EDIL3: variants seen among roughly 807,000 people sequenced by gnomAD.
EDIL3 encodes EGF-like repeat and discoidin I-like domain-containing protein 3.
EDIL3 carries 37 observed loss-of-function variants against 67.4 expected under a neutral mutation model. The ratio of observed to expected loss-of-function variants is 0.55; its 90% CI spans 0.42 to 0.72. EDIL3 has a LOEUF of 0.72. Among genes scored for constraint, EDIL3 ranks in the 30% least tolerant of loss-of-function variants. The probability of loss-of-function intolerance (pLI) is 0.00; values close to 1 mark genes in which losing one functional copy is unlikely to be tolerated. For missense variants in EDIL3, 527 were observed against 586.3 expected (o/e 0.90, Z 1.04); for synonymous variants, 195 against 196.3 (o/e 0.99, Z 0.05).
rs543825019 is a variant in EDIL3 at position 84,356,988 on chromosome 5, G to A, written c.67+27320C>T. ...TGCCCAGGCTGGAGTACAGTGGCAC[G>A]ATCTCGGCTCACTGAAACCTCTGCC... On this transcript the variant is annotated intron_variant, in intron 1 of 10. Transcript: ENST00000296591. Among the ~76,000 whole-genome samples, 3 of 131,840 alleles carry A rather than the reference G, an allele frequency of 2.3e-5. No homozygotes were observed. In the East Asian group the frequency reaches 7.3e-4, roughly 32 times the overall value. 86.5% of individuals were successfully genotyped at this position (131,840 alleles called of 152,430 possible).
chr5:84,213,632 A>G (rs541635434), intron 3 of EDIL3, among the ~76,000 whole-genome samples: 2 of 152,198 alleles, frequency 1.3e-5, no homozygotes, highest in Non-Finnish European at 2.9e-5. Flanking sequence ...ATTTAGATTT[A>G]TGTCTAGAGA....
chr5:84,208,238 G>T (rs1302569362), intron 3 of EDIL3, among the ~76,000 whole-genome samples: 3 of 152,034 alleles, frequency 2.0e-5, no homozygotes, highest in Non-Finnish European at 2.9e-5. Flanking sequence ...GTGGGCAAAG[G>T]ACATGAACAG....
Position 84,289,634 on chromosome 5 carries a change from T to C in EDIL3, c.68-35422A>G, listed in dbSNP as rs966241662. 2.6e-5 allele frequency among the ~76,000 whole-genome samples: 4 copies of C among 152,268 alleles called. No individual in the cohort carries two copies. The South Asian group carries it at 8.3e-4, about 32-fold the overall frequency. ...TCTAGTGGGTATTCCTTGGTCTTTA[T>C]CCTACCTGACTTTCCGTCAACAACT... is the stretch of plus-strand genomic sequence containing the variant. On this transcript the variant is annotated intron_variant, in intron 1 of 10. Coordinates refer to ENST00000296591, the MANE Select transcript of EDIL3 (RefSeq NM_005711.5).
intron 4 of EDIL3, among the ~76,000 whole-genome samples, chr5:84,142,375 C>T (rs1000008048): frequency 1.3e-5 from 2 of 151,992 alleles, no homozygotes; most frequent in Admixed American, 6.6e-5. Context: ...TCCCAGGAAT[C>T]TCCATCTCTG....
chr5:84,015,846 C>T (rs1282840948), intron 9 of EDIL3, among the ~76,000 whole-genome samples: 1 of 152,026 alleles, frequency 6.6e-6, no homozygotes, highest in Admixed American at 6.6e-5. Context: ...TGGCAATATC[C>T]CTTAGAGTTT....
intron 2 of EDIL3, 33 bp downstream of exon 2, chr5:84,254,044 TAAAAAGA>T (rs1745080753): frequency 6.5e-7 from 1 of 1,540,118 alleles, no homozygotes; most frequent in Non-Finnish European, 8.8e-7. Context: ...TTCATGGAAA[TAAAAAGA>T]TAACTACTGA....
chr5:84,323,216 G>T (rs1024161062), intron 1 of EDIL3, among the ~76,000 whole-genome samples: 8 of 151,970 alleles, frequency 5.3e-5, no homozygotes, highest in Non-Finnish European at 1.2e-4. Flanking sequence ...TGCATTTAAA[G>T]AATTATCAGT....
At chr5:84,121,838 T>C (rs1209007672) in intron 5 of EDIL3, among the ~76,000 whole-genome samples, 2 of 151,978 alleles carry the variant, frequency 1.3e-5, no homozygotes, top group African/African-American at 2.4e-5. Flanking sequence ...CACTGAGCAT[T>C]TAAATATACT....
intron 4 of EDIL3, among the ~76,000 whole-genome samples, chr5:84,163,437 T>C (rs947958543): frequency 6.6e-6 from 1 of 152,022 alleles, no homozygotes; most frequent in East Asian, 1.9e-4. Flanking sequence ...AAAATAAAGC[T>C]CACTAAGAAT....
At chr5:84,114,648 C>T (rs750912440) in intron 5 of EDIL3, among the ~76,000 whole-genome samples, 8 of 152,146 alleles carry the variant, frequency 5.3e-5, no homozygotes, top group Non-Finnish European at 1.0e-4. Flanking sequence ...ATCCTTAATA[C>T]TGTTTTCAAA....
chr5:84,208,158 G>A (rs199911634), intron 3 of EDIL3, among the ~76,000 whole-genome samples: 1 of 152,010 alleles, frequency 6.6e-6, no homozygotes, highest in African/African-American at 2.4e-5. Flanking sequence ...TCTGACAGAG[G>A]GCTAATATCC....
chr5:84,221,625 G>A (rs1744344111), intron 3 of EDIL3, among the ~76,000 whole-genome samples: 1 of 151,978 alleles, frequency 6.6e-6, no homozygotes, highest in Non-Finnish European at 1.5e-5. Flanking sequence ...ACTGACCAAA[G>A]CCACATCTTT....
intron 10 of EDIL3, among the ~76,000 whole-genome samples, chr5:83,947,386 T>TGC (rs1744330217): frequency 6.6e-6 from 1 of 151,224 alleles, no homozygotes; most frequent in Admixed American, 6.6e-5. Context: ...TGTGTGTGTG[T>TGC]GTGTGTGTGT....
intron 9 of EDIL3, among the ~76,000 whole-genome samples, chr5:84,028,721 G>T (rs113189300): frequency 6.6e-6 from 1 of 151,316 alleles, no homozygotes. Flanking sequence ...TCACACACAT[G>T]TATATATTCA....
intron 7 of EDIL3, among the ~76,000 whole-genome samples, chr5:84,066,064 G>A (rs1270697730): frequency 5.4e-5 from 8 of 148,762 alleles, no homozygotes; most frequent in African/African-American, 2.0e-4. Context: ...ATAGTGAGCC[G>A]AGATCGCGCC....
chr5:84,259,852 C>A (rs998359430), intron 1 of EDIL3, among the ~76,000 whole-genome samples: 6 of 152,048 alleles, frequency 3.9e-5, no homozygotes, highest in African/African-American at 1.2e-4. Flanking sequence ...CTTGGTATTG[C>A]AGAAGACAAT....
intron 9 of EDIL3, among the ~76,000 whole-genome samples, chr5:84,026,711 T>C (rs1376831871): frequency 6.6e-6 from 1 of 152,210 alleles, no homozygotes; most frequent in East Asian, 1.9e-4. Flanking sequence ...CTAAATAAAA[T>C]CTGCTTCAAA....
At chr5:84,307,942 A>G (rs1192627258) in intron 1 of EDIL3, among the ~76,000 whole-genome samples, 2 of 152,154 alleles carry the variant, frequency 1.3e-5, no homozygotes, top group Non-Finnish European at 2.9e-5. Context: ...GATCATGTAG[A>G]ACTAGATCAA....
intron 1 of EDIL3, among the ~76,000 whole-genome samples, chr5:84,275,902 T>C (rs142960356): frequency 2.0e-5 from 3 of 152,346 alleles, no homozygotes; most frequent in African/African-American, 7.2e-5. Flanking sequence ...CACATAGATC[T>C]ATTAACACTA....
Sources: gnomAD v4.1 joint callset for allele counts (sites outside exome capture counted in the v4.1 genomes callset) on GRCh38, gnomAD v4.1.1 for gene constraint, MANE v1.5 for transcripts, NCBI Gene and HGNC (gene_info 2026-07-23, HGNC 2026-07-21) for gene names.